The following PBX1 variants were observed in gnomAD, a reference collection of about 807,000 sequenced individuals.
The protein encoded by PBX1 is PBX homeobox 1.
Under a neutral mutation model 53.4 loss-of-function variants are expected in PBX1, and 6 were observed. The observed-to-expected ratio is 0.11, with a 90% CI of 0.06 to 0.22. The LOEUF (loss-of-function observed/expected upper bound fraction) is 0.22, where lower values mean the gene tolerates loss of function less well. Ranked by LOEUF, PBX1 falls within the 10% of genes least tolerant of loss-of-function variation. PBX1 has a pLI of 1.00. For synonymous variants in PBX1, 204 were observed against 212.3 expected (o/e 0.96, Z 0.34); for missense variants, 251 against 551.4 (o/e 0.46, Z 5.46).
At chr1:164,805,584 T>G (rs367798462) in intron 4 of PBX1, among the ~76,000 whole-genome samples, 2 of 152,300 alleles carry the variant, frequency 1.3e-5, no homozygotes, top group South Asian at 2.1e-4. Flanking sequence ...AACAACTGAA[T>G]GAAGGAACGG....
chr1:164,717,813 T>C (rs1664187668), intron 2 of PBX1, among the ~76,000 whole-genome samples: 1 of 152,178 alleles, frequency 6.6e-6, no homozygotes, highest in Non-Finnish European at 1.5e-5. Flanking sequence ...GTAAGTGGTA[T>C]TAATATTACC....
intron 5 of PBX1, among the ~76,000 whole-genome samples, chr1:164,811,060 C>T (rs1018772355): frequency 6.6e-6 from 1 of 152,112 alleles, no homozygotes; most frequent in Non-Finnish European, 1.5e-5. Context: ...GGGATCAACT[C>T]CCCCTTCCCT....
chr1:164,797,282 C>G (rs1558013580), intron 3 of PBX1, among the ~76,000 whole-genome samples: 1 of 152,218 alleles, frequency 6.6e-6, no homozygotes, highest in East Asian at 1.9e-4. Flanking sequence ...ACAATACTCC[C>G]TCACATCCAG....
intron 2 of PBX1, among the ~76,000 whole-genome samples, chr1:164,607,126 G>A (rs946091592): frequency 2.6e-5 from 4 of 152,190 alleles, no homozygotes; most frequent in Non-Finnish European, 4.4e-5. Flanking sequence ...TATGCCAGGC[G>A]AGGAATTTTA....
rs556891309 is a variant in PBX1, at chr1:164,627,234, A to T, written c.265+63923A>T. On this transcript the variant is annotated intron_variant, in intron 2 of 8. Coordinates refer to ENST00000420696, the MANE Select transcript of PBX1 (RefSeq NM_002585.4). ...TTAAGGAAAAATGAACCATTTGCAA[A>T]TTTTTTTTTAAAGGAAGCATAAGTT... 4.6e-5 allele frequency among the ~76,000 whole-genome samples: 7 copies of T among 151,650 alleles called. No individual in the cohort carries two copies. In the South Asian group the frequency reaches 1.5e-3, roughly 32 times the overall value.
chr1:164,590,534 G>T, intron 2 of PBX1: 1 of 452,626 alleles, frequency 2.2e-6, no homozygotes, highest in Non-Finnish European at 4.5e-6. Flanking sequence ...TAATGAGGAG[G>T]ACAACAGTGT....
At chr1:164,769,409 C>T (rs764627959) in intron 2 of PBX1, 2 of 152,176 alleles carry the variant, frequency 1.3e-5, no homozygotes, top group African/African-American at 2.4e-5. Flanking sequence ...AGATGCTATA[C>T]ATAAAGTGGG....
Position 164,650,994 on chromosome 1 carries a change from G to A in PBX1, c.265+87683G>A, listed in dbSNP as rs78826372. Among the ~76,000 whole-genome samples the A allele has an allele frequency of 2.7e-3, 410 of 151,552 alleles. 3 individuals carry two copies. The highest frequency in any genetic ancestry group is 8.5e-3 in the African/African-American group (351 of 41,382). On this transcript the variant is annotated intron_variant, in intron 2 of 8. Coordinates refer to ENST00000420696, the MANE Select transcript of PBX1 (RefSeq NM_002585.4). The stretch of plus-strand genomic sequence containing the variant: ...AAAAAATCAGCCTAGACCTTAAGAG[G>A]TGAGGGGAAAGGAAAGAACACTTCA...
At chr1:164,840,410 G>C (rs953710031) in intron 8 of PBX1, among the ~76,000 whole-genome samples, 1 of 152,188 alleles carries the variant, frequency 6.6e-6, no homozygotes, top group Non-Finnish European at 1.5e-5. Flanking sequence ...GATCCTAAGA[G>C]GGAAGCTGAA....
At chr1:164,677,108 C>T (rs1188338082) in intron 2 of PBX1, among the ~76,000 whole-genome samples, 2 of 127,756 alleles carry the variant, frequency 1.6e-5, no homozygotes, top group Admixed American at 8.8e-5. Flanking sequence ...TTTTTTAAGA[C>T]GGAGTCTCGC....
chr1:164,767,564 A>G (rs528641365), intron 2 of PBX1, among the ~76,000 whole-genome samples: 1 of 152,218 alleles, frequency 6.6e-6, no homozygotes, highest in South Asian at 2.1e-4. Context: ...TTGCACAAGG[A>G]AAAATATCTC....
rs191379084 is a variant in PBX1 at position 164,573,745 on chromosome 1, C to G, written c.265+10434C>G. 2.8e-3 allele frequency among the ~76,000 whole-genome samples: 430 copies of G among 152,248 alleles called. 3 individuals carry two copies. The highest frequency in any genetic ancestry group is 0.01 in the African/African-American group (419 of 41,538). On this transcript the variant is annotated intron_variant, in intron 2 of 8. Transcript: ENST00000420696. ...AGGTGATCCACCCACCTTGGCTTCC[C>G]AAAGTGTTGGGATTACAGGCGTGAG...
chr1:164,589,803 T>C (rs1166649295), intron 2 of PBX1, among the ~76,000 whole-genome samples: 1 of 152,218 alleles, frequency 6.6e-6, no homozygotes, highest in Non-Finnish European at 1.5e-5. Flanking sequence ...TCCAAGGTCT[T>C]ATAGTGATCC....
At chr1:164,645,079 A>G (rs1462838793) in intron 2 of PBX1, among the ~76,000 whole-genome samples, 1 of 152,188 alleles carries the variant, frequency 6.6e-6, no homozygotes, top group African/African-American at 2.4e-5. Flanking sequence ...ATGAGCAGAG[A>G]CATAAAGGAG....
chr1:164,634,831 A>G lies in PBX1; in HGVS notation c.265+71520A>G, dbSNP rs188347608. Among the ~76,000 whole-genome samples the G allele has an allele frequency of 3.1e-3, 468 of 152,210 alleles. 2 individuals are homozygous for G. The highest frequency in any genetic ancestry group is 4.5e-3 in the Non-Finnish European group (308 of 67,998). ...CCTATCAGGACCTGGAAAGACCCCA[A>G]ATTTTGAGGGTGGGGCCTTTTGGAG... On this transcript the variant is annotated intron_variant, in intron 2 of 8. Transcript: ENST00000420696.
At chr1:164,765,231 T>C (rs1667005153) in intron 2 of PBX1, among the ~76,000 whole-genome samples, 1 of 152,220 alleles carries the variant, frequency 6.6e-6, no homozygotes, top group Non-Finnish European at 1.5e-5. Context: ...TTTTTGTCTC[T>C]GCCCAGCAAG....
chr1:164,642,337 T>C (rs1027265346), intron 2 of PBX1: 1 of 152,226 alleles, frequency 6.6e-6, no homozygotes, highest in African/African-American at 2.4e-5. Flanking sequence ...GAACTAAAAA[T>C]AGAACCTAGG....
chr1:164,743,546 A>G (rs569590028), intron 2 of PBX1, among the ~76,000 whole-genome samples: 1 of 152,292 alleles, frequency 6.6e-6, no homozygotes, highest in Admixed American at 6.5e-5. Flanking sequence ...CATCTTTTAT[A>G]TATGTTTCCA....
intron 2 of PBX1, among the ~76,000 whole-genome samples, chr1:164,856,890 T>C (rs892459107): frequency 6.6e-5 from 10 of 152,158 alleles, no homozygotes; most frequent in African/African-American, 2.4e-4. Context: ...CTGGATCCTT[T>C]GGTATTGAGG....
Sources: gnomAD v4.1 joint callset for allele counts (sites outside exome capture counted in the v4.1 genomes callset) on GRCh38, gnomAD v4.1.1 for gene constraint, MANE v1.5 for transcripts, NCBI Gene and HGNC (gene_info 2026-07-23, HGNC 2026-07-21) for gene names.